GOLGB1: variants seen among roughly 807,000 people sequenced by gnomAD.
GOLGB1 encodes golgin B1, also known as golgin subfamily B member 1.
Under a neutral mutation model 336.9 loss-of-function variants are expected in GOLGB1, and 174 were observed. The observed-to-expected ratio is 0.52, with a 90% CI of 0.46 to 0.59. GOLGB1 has a LOEUF of 0.59. Among genes scored for constraint, GOLGB1 ranks in the 20% least tolerant of loss-of-function variants. GOLGB1 has a pLI of 0.00. For synonymous variants in GOLGB1, 1,208 were observed against 1,289.2 expected (o/e 0.94, Z 1.35); for missense variants, 3,331 against 3,645.3 (o/e 0.91, Z 2.22).
intron 15 of GOLGB1, among the ~76,000 whole-genome samples, chr3:121,680,545 A>G (rs577305204): frequency 2.6e-5 from 4 of 152,250 alleles, no homozygotes; most frequent in Non-Finnish European, 4.4e-5. Flanking sequence ...GAAAAATACA[A>G]TATCCAAAAT....
rs763512798 is a variant in GOLGB1 at position 121,698,771 on chromosome 3, C to A, written c.1752G>T (p.Gln584His). 1 of 1,613,602 alleles carries A rather than the reference C, an allele frequency of 6.2e-7. No homozygotes were observed. Among genetic ancestry groups the A allele is most frequent in the South Asian group, 1.1e-5 (1 of 91,026 alleles). ...CTTCCTCAGCCCTTTTTCCCTGGAG[C>A]TGTAATTTAAGAAATGCAATTTCCT... The part of the protein sequence containing the change: ...AQEEIAFLKL[Q>H]LQGKRAEEAD... The change falls in exon 13 of 22, where the codon CAG becomes CAT. Residue 584 changes from glutamine to histidine, a missense_variant. Coordinates refer to ENST00000614479, the MANE Select transcript of GOLGB1 (RefSeq NM_001366282.2).
chr3:121,682,979 A>G (rs1941250442), intron 14 of GOLGB1, among the ~76,000 whole-genome samples: 1 of 144,136 alleles, frequency 6.9e-6, no homozygotes, highest in African/African-American at 2.5e-5. Context: ...AAAGATGGTG[A>G]TGGGGGTGGG....
chr3:121,699,060 A>G (rs1943185030), intron 12 of GOLGB1, 131 bp from the exon 13 acceptor site: 3 of 639,324 alleles, frequency 4.7e-6, no homozygotes, highest in East Asian at 2.9e-5. Flanking sequence ...TTGTACCATA[A>G]CACTGCTAAA....
chr3:121,723,541 G>T (rs1945339564), intron 5 of GOLGB1, among the ~76,000 whole-genome samples: 1 of 152,166 alleles, frequency 6.6e-6, no homozygotes, highest in African/African-American at 2.4e-5. Flanking sequence ...AATTTAAAAT[G>T]AAGGCCTTCT....
At position 121,696,607 on chromosome 3, in the gene GOLGB1, C is replaced by T. The variant is rs372212899; in HGVS notation, c.3916G>A (p.Gly1306Arg). 21 of 1,614,022 alleles carry T rather than the reference C, an allele frequency of 1.3e-5. No individual in the cohort carries two copies. The highest frequency in any genetic ancestry group is 3.3e-5 in the Admixed American group (2 of 60,002). ...GCCTTAATCTGGGCAACAGAAGTTCCGCCCTGCAGAGCACTCGCATCTTCA... is the reference window on the plus strand; with the variant it reads ...GCCTTAATCTGGGCAACAGAAGTTCTGCCCTGCAGAGCACTCGCATCTTCA... ...HSEDASALQG[G>R]TSVAQIKAQL... The change falls in exon 13 of 22, where the codon GGA (glycine) becomes AGA (arginine). Residue 1306 changes from glycine to arginine, a missense_variant. Physicochemically the swap from Gly to Arg is moderately radical, Grantham distance 125 (BLOSUM62 -2). Transcript: ENST00000614479.
intron 19 of GOLGB1, 61 bp from the exon 20 acceptor site, chr3:121,667,671 G>C: frequency 9.5e-6 from 14 of 1,468,828 alleles, no homozygotes; most frequent in Non-Finnish European, 1.2e-5. Context: ...GCTAATACAA[G>C]GGATTCAAAG....
intron 14 of GOLGB1, among the ~76,000 whole-genome samples, chr3:121,682,635 A>G (rs1941210481): frequency 6.6e-6 from 1 of 152,210 alleles, no homozygotes; most frequent in African/African-American, 2.4e-5. Flanking sequence ...AATACTCATT[A>G]AAAGCTTAGT....
intron 20 of GOLGB1, among the ~76,000 whole-genome samples, chr3:121,665,411 A>G (rs1428771370): frequency 6.6e-6 from 1 of 152,200 alleles, no homozygotes; most frequent in Admixed American, 6.5e-5. Flanking sequence ...TTCAATACCC[A>G]ACTTTGTCTT....
At chr3:121,678,681 C>T (rs1940708144) in intron 15 of GOLGB1, among the ~76,000 whole-genome samples, 1 of 152,072 alleles carries the variant, frequency 6.6e-6, no homozygotes, top group African/African-American at 2.4e-5. Context: ...AATTCTCCTG[C>T]CTCAGTCTCC....
At chr3:121,670,689 A>G (rs1939386540) in intron 17 of GOLGB1, among the ~76,000 whole-genome samples, 1 of 142,376 alleles carries the variant, frequency 7.0e-6, no homozygotes, top group Non-Finnish European at 1.5e-5. Context: ...AGCTCTATCT[A>G]CTATCTGATG....
At position 121,678,424 on chromosome 3, in the gene GOLGB1, T is replaced by C. The variant is rs1940672134; in HGVS notation, c.8874-974A>G. On this transcript the variant is annotated intron_variant, in intron 15 of 21. Coordinates refer to ENST00000614479, the MANE Select transcript of GOLGB1 (RefSeq NM_001366282.2). ...TTCTAATGGCCCCTTGTAAGCTGGA[T>C]AGAAATTGAGATTCCAACTCATATT... Among the ~76,000 whole-genome samples, 3 of 152,364 alleles carry C rather than the reference T, an allele frequency of 2.0e-5. No homozygotes were observed. In the South Asian group the frequency reaches 6.2e-4, roughly 32 times the overall value.
rs1162426710 is a variant in GOLGB1 at position 121,664,001 on chromosome 3, T to C, written c.*479A>G. Reference sequence around the variant, plus strand: ...AAATCAGATGTCCTATGAGGTGACATGTTCATTTCCCTGAACTCTGTTTAT... The same window carrying C: ...AAATCAGATGTCCTATGAGGTGACACGTTCATTTCCCTGAACTCTGTTTAT... On this transcript the variant is annotated 3_prime_UTR_variant, in exon 22 of 22. Coordinates refer to ENST00000614479, the MANE Select transcript of GOLGB1 (RefSeq NM_001366282.2). 1.8e-5 allele frequency: 3 copies of C among 165,488 alleles called. No homozygotes were observed. The highest frequency in any genetic ancestry group is 2.7e-5 in the Non-Finnish European group (2 of 74,892). 10.3% of individuals were successfully genotyped at this position (165,488 alleles called of 1,614,324 possible).
chr3:121,722,375 A>C lies in GOLGB1; in HGVS notation c.535T>G (p.Ser179Ala). Residue 179 changes from serine (S) to alanine (A), a missense_variant, in exon 6 of 22, where the codon TCT becomes GCT. Transcript: ENST00000614479. ...QAQAEQPAQS[S>A]TEMEEFVMMK... ...ATTACAAATTCTTCCATCTCTGTAG[A>C]ACTCTTATCAAACCGAAGACATAGA... 6.5e-7 allele frequency: 1 copy of C among 1,541,540 alleles called. No homozygotes were observed. The highest frequency in any genetic ancestry group is 1.4e-5 in the African/African-American group (1 of 73,620).
intron 4 of GOLGB1, among the ~76,000 whole-genome samples, chr3:121,728,479 A>G (rs2108272286): frequency 6.6e-6 from 1 of 152,322 alleles, no homozygotes; most frequent in South Asian, 2.1e-4. Context: ...GCCTCCATAT[A>G]ATCTGTATCA....
rs752270071 is a variant in GOLGB1 at position 121,695,983 on chromosome 3, C to A, written c.4540G>T (p.Ala1514Ser). The A allele has an allele frequency of 1.3e-5, 21 of 1,613,990 alleles. No individual in the cohort carries two copies. Among genetic ancestry groups the A allele is most frequent in the Non-Finnish European group, 1.7e-5 (20 of 1,179,990 alleles). Residue 1514 changes from alanine to serine, a missense_variant, in exon 13 of 22, where the codon GCC (alanine) becomes TCC (serine). Coordinates refer to ENST00000614479, the MANE Select transcript of GOLGB1 (RefSeq NM_001366282.2). ...NKSLQEELSL[A>S]RGTIERLTKS... ...GTGAGACGTTCAATGGTACCTCTGG[C>A]CAAAGACAATTCCTCTTGGAGACTT...
chr3:121,687,038 C>G (rs572563363), intron 14 of GOLGB1, among the ~76,000 whole-genome samples: 2 of 152,038 alleles, frequency 1.3e-5, no homozygotes, highest in South Asian at 2.1e-4. Flanking sequence ...CTTTGGGAGC[C>G]GAGGCAGGTG....
intron 1 of GOLGB1, among the ~76,000 whole-genome samples, chr3:121,744,202 C>T (rs1947082477): frequency 6.6e-6 from 1 of 152,068 alleles, no homozygotes; most frequent in Non-Finnish European, 1.5e-5. Flanking sequence ...ACTTTATATA[C>T]TCTTTAATCT....
chr3:121,664,466 A>G lies in GOLGB1; in HGVS notation c.*14T>C. On this transcript the variant is annotated 3_prime_UTR_variant, in exon 22 of 22. Transcript: ENST00000614479. Reference sequence around the variant, plus strand: ...AAGTTTTGAGGGGAGTGGTCCAAAGAGTAACAACTAAGTCTATAGATGGCC... The same window carrying G: ...AAGTTTTGAGGGGAGTGGTCCAAAGGGTAACAACTAAGTCTATAGATGGCC... 1 of 1,611,112 alleles carries G rather than the reference A, an allele frequency of 6.2e-7. No homozygotes were observed. The highest frequency in any genetic ancestry group is 8.5e-7 in the Non-Finnish European group (1 of 1,177,274).
In GOLGB1 at chr3:121,695,838, C is replaced by T; in HGVS notation, c.4685G>A (p.Arg1562Lys). The T allele has an allele frequency of 6.2e-7, 1 of 1,613,860 alleles. No individual in the cohort carries two copies. The stretch of plus-strand genomic sequence containing the variant: ...GAGACTCTGATTTTCCAATAAAGAC[C>T]TGTCCATTTCTGTAATGAGTTTGTC... ...ERDKLITEMD[R>K]SLLENQSLSS... Residue 1562 changes from arginine to lysine, a missense_variant, in exon 13 of 22, where the codon AGG becomes AAG. Coordinates refer to ENST00000614479, the MANE Select transcript of GOLGB1 (RefSeq NM_001366282.2).
Sources: allele counts gnomAD v4.1 joint callset (sites outside exome capture counted in the v4.1 genomes callset), GRCh38; gene constraint gnomAD v4.1.1; transcripts MANE v1.5; gene names NCBI Gene and HGNC (gene_info 2026-07-23, HGNC 2026-07-21).